The following ADH1B variants were observed in gnomAD, a reference collection of about 807,000 sequenced individuals.
The protein encoded by ADH1B is alcohol dehydrogenase 1B (class I), beta polypeptide, also known as all-trans-retinol dehydrogenase [NAD(+)] ADH1B.
In ADH1B, 29 loss-of-function variants were observed where a neutral mutation model predicts 34.6. The observed-to-expected ratio is 0.84, with a 90% CI of 0.62 to 1.14. ADH1B has a LOEUF of 1.14. Among genes scored for constraint, ADH1B ranks in the 50% most tolerant of loss-of-function variants. The pLI is 0.00. For synonymous variants in ADH1B, 170 were observed against 175.5 expected, an observed-to-expected ratio of 0.97 and a Z score of 0.25; for missense variants, 424 against 468.4, an observed-to-expected ratio of 0.91 and a Z score of 0.87.
At position 99,316,270 on chromosome 4, in the gene ADH1B, A is replaced by C; in HGVS notation, c.292T>G (p.Cys98Gly). Residue 98 changes from cysteine (C) to glycine (G), a missense_variant, in exon 4 of 9, where the codon TGT (cysteine) becomes GGT (glycine). This residue lies in a region of ADH1B where 291 missense variants were observed against 300.4 expected (regional missense o/e 0.97). Coordinates refer to ENST00000305046, the MANE Select transcript of ADH1B (RefSeq NM_000668.6). ...DKVIPLFTPQ[C>G]GKCRVCKNPE... ...TTTTTACAAACTCTGCATTTTCCAC[A>C]CTGAGGAGTAAAGAGCGGGATGACT... The C allele has an allele frequency of 1.2e-6, 2 of 1,614,190 alleles. No homozygotes were observed. Among genetic ancestry groups the C allele is most frequent in the Non-Finnish European group, 1.7e-6 (2 of 1,180,028 alleles).
chr4:99,319,049 CT>C (rs1733957968), intron 1 of ADH1B, 163 bp from the exon 2 acceptor site: 1 of 837,454 alleles, frequency 1.2e-6, no homozygotes, highest in Middle Eastern at 2.2e-4. Flanking sequence ...ATAAAAGTAT[CT>C]TTTAAAAAGC....
intron 6 of ADH1B, chr4:99,313,473 G>T (rs992611166): frequency 8.1e-6 from 2 of 245,434 alleles, no homozygotes; most frequent in African/African-American, 2.2e-5. Flanking sequence ...GAATGTAGGA[G>T]AAAAATAAAA....
intron 1 of ADH1B, chr4:99,319,789 A>G (rs1168928439): frequency 1.3e-5 from 2 of 152,166 alleles, no homozygotes. Flanking sequence ...GAAAGAACCA[A>G]CATAATTGCA....
chr4:99,318,470 A>G (rs1408424161), intron 2 of ADH1B: 5 of 521,186 alleles, frequency 9.6e-6, no homozygotes, highest in Non-Finnish European at 1.3e-5. Context: ...AAATAGAAGT[A>G]GAAATAGCAA....
chr4:99,313,911 G>A lies in ADH1B; in HGVS notation c.738C>T (p.Asp246=), dbSNP rs1405228681. The change falls in exon 6 of 9, where the codon GAC becomes GAT. Residue 246 remains aspartate (D), a synonymous_variant. Coordinates refer to ENST00000305046, the MANE Select transcript of ADH1B (RefSeq NM_000668.6). ...GCACTTCCTGAATGGGTTTCTTGTA[G>A]TCTTGAGGGTTGATGCATTCAGTGG... is the stretch of plus-strand genomic sequence containing the variant. ...LGATECINPQ[D]YKKPIQEVLK... is the part of the protein sequence containing the mutation. 6.2e-7 allele frequency: 1 copy of A among 1,614,106 alleles called. No individual in the cohort carries two copies. Among genetic ancestry groups the A allele is most frequent in the Admixed American group, 1.7e-5 (1 of 60,022 alleles).
chr4:99,309,163 A>G (rs1230607244), intron 8 of ADH1B, among the ~76,000 whole-genome samples: 1 of 151,924 alleles, frequency 6.6e-6, no homozygotes, highest in Non-Finnish European at 1.5e-5. Flanking sequence ...TGAACTTTAG[A>G]ATGTTTCTAA....
rs1482226391 is a variant in ADH1B, at chr4:99,310,862, A to T, written c.1006T>A (p.Phe336Ile). 6.2e-7 allele frequency: 1 copy of T among 1,613,558 alleles called. No homozygotes were observed. The highest frequency in any genetic ancestry group is 2.2e-5 in the East Asian group (1 of 44,802). ...TCCAGTGAAAACTTCTTAGCCATAA[A>T]ATCAGCCACAAGTTTTGGGATACCT... ...KEGIPKLVADFMAKKFSLDAL... is the reference protein window; with the variant it reads ...KEGIPKLVADIMAKKFSLDAL... The change falls in exon 8 of 9, where the codon TTT (phenylalanine) becomes ATT (isoleucine). Residue 336 changes from phenylalanine to isoleucine, a missense_variant. By Grantham distance (21) the Phe-to-Ile change is conservative. This residue lies in a region of ADH1B where 130 missense variants were observed against 151.8 expected (regional missense o/e 0.86). Transcript: ENST00000305046.
intron 6 of ADH1B, among the ~76,000 whole-genome samples, chr4:99,312,317 C>G (rs951232681): frequency 1.3e-5 from 2 of 152,120 alleles, no homozygotes; most frequent in African/African-American, 4.8e-5. Flanking sequence ...CACTCCAGTT[C>G]CACATGAGAA....
Position 99,307,855 on chromosome 4 carries a change from G to A in ADH1B, c.1113C>T (p.Thr371=), listed in dbSNP as rs149544649. 235 of 1,613,882 alleles carry A rather than the reference G, an allele frequency of 1.5e-4. No individual in the cohort carries two copies. The highest frequency in any genetic ancestry group is 5.6e-4 in the African/African-American group (42 of 75,006). Residue 371 remains threonine (T), a synonymous_variant, in exon 9 of 9, where the codon ACC becomes ACT. Coordinates refer to ENST00000305046, the MANE Select transcript of ADH1B (RefSeq NM_000668.6). The part of the protein sequence containing the change: ...DLLHSGKSIR[T]VLTF Reference sequence around the variant, plus strand: ...CTCTATTGCCTCAAAACGTCAGGACGGTACGGATACTGCAATAGGAAAGAA... The same window carrying A: ...CTCTATTGCCTCAAAACGTCAGGACAGTACGGATACTGCAATAGGAAAGAA...
In ADH1B at chr4:99,313,990, A is replaced by G; in HGVS notation, c.659T>C (p.Ile220Thr). ...MGCKAAGAAR[I>T]IAVDINKDKF... ...GTCCTTGTTGATGTCCACCGCAATGATTCTGGCTGCTCCAGCTGCTTTACA... is the reference window on the plus strand; with the variant it reads ...GTCCTTGTTGATGTCCACCGCAATGGTTCTGGCTGCTCCAGCTGCTTTACA... The change falls in exon 6 of 9, where the codon ATC (isoleucine) becomes ACC (threonine). Residue 220 changes from isoleucine to threonine, a missense_variant. Physicochemically the swap from Ile to Thr is moderately conservative, Grantham distance 89 (BLOSUM62 -1). This residue lies in a region of ADH1B where 291 missense variants were observed against 300.4 expected (regional missense o/e 0.97). Transcript: ENST00000305046. 6.2e-7 allele frequency: 1 copy of G among 1,614,200 alleles called. No individual in the cohort carries two copies. The highest frequency in any genetic ancestry group is 8.5e-7 in the Non-Finnish European group (1 of 1,180,040).
chr4:99,319,208 C>T (rs1440331692), intron 1 of ADH1B: 3 of 406,816 alleles, frequency 7.4e-6, no homozygotes, highest in East Asian at 5.6e-5. Context: ...GCTCGTCTAC[C>T]CACAACTATT....
chr4:99,312,868 A>G (rs547274503), intron 6 of ADH1B, among the ~76,000 whole-genome samples: 2 of 152,140 alleles, frequency 1.3e-5, no homozygotes, highest in South Asian at 4.2e-4. Context: ...AAAGAAAAAA[A>G]AGTCAGCTGA....
At chr4:99,317,773 C>T in intron 3 of ADH1B, 1 of 443,244 alleles carries the variant, frequency 2.3e-6, no homozygotes, top group South Asian at 3.9e-5. Flanking sequence ...CACTGTGTCT[C>T]TTTTGATCCT....
At chr4:99,317,674 G>A (rs865776284) in intron 3 of ADH1B, 10 of 201,568 alleles carry the variant, frequency 5.0e-5, no homozygotes, top group African/African-American at 2.1e-4. Context: ...CCCTCCTCCC[G>A]TTTCTACTTC....
chr4:99,313,520 T>C (rs917409412), intron 6 of ADH1B: 5 of 365,432 alleles, frequency 1.4e-5, no homozygotes, highest in Admixed American at 8.4e-5. Flanking sequence ...ATTATTTATG[T>C]TTACTTGAAC....
chr4:99,316,439 T>C, intron 3 of ADH1B, 137 bp from the exon 4 acceptor site: 1 of 926,956 alleles, frequency 1.1e-6, no homozygotes. Context: ...AATAACTATG[T>C]CATCTTTCAA....
rs911155162 is a variant in ADH1B at position 99,318,604 on chromosome 4, T to C, written c.120+181A>G. Reference sequence around the variant, plus strand: ...TACTGGAATTATACTGTATGTACTCTTTGATCATTTTTTAAAAATTTAAAA... The same window carrying C: ...TACTGGAATTATACTGTATGTACTCCTTGATCATTTTTTAAAAATTTAAAA... On this transcript the variant is annotated intron_variant, in intron 2 of 8. Coordinates refer to ENST00000305046, the MANE Select transcript of ADH1B (RefSeq NM_000668.6). The C allele has an allele frequency of 4.7e-6, 3 of 640,626 alleles. No individual in the cohort carries two copies. The African/African-American group carries it at 5.5e-5, about 12-fold the overall frequency. The allele number at this position is 640,626 out of a possible 1,614,324, so 39.7% of individuals were successfully genotyped here.
At chr4:99,320,505 TAAAC>T (rs1367211666) in intron 1 of ADH1B, 1 of 164,092 alleles carries the variant, frequency 6.1e-6, no homozygotes, top group East Asian at 1.8e-4. Flanking sequence ...TTTATGTAAT[TAAAC>T]AATTAAAAAA....
intron 5 of ADH1B, chr4:99,314,765 T>A (rs1357193763): frequency 6.6e-6 from 1 of 152,278 alleles, no homozygotes; most frequent in Non-Finnish European, 1.5e-5. Flanking sequence ...TTGGGTAGGA[T>A]CACTTTGACC....
Sources: gnomAD v4.1 joint callset for allele counts (sites outside exome capture counted in the v4.1 genomes callset) on GRCh38, gnomAD v4.1.1 for gene constraint, gnomAD v4.1.1 regional missense constraint, MANE v1.5 for transcripts, NCBI Gene and HGNC (gene_info 2026-07-23, HGNC 2026-07-21) for gene names.